SENP7: variants seen among roughly 807,000 people sequenced by gnomAD.
The protein encoded by SENP7 is SUMO specific peptidase 7, also known as sentrin-specific protease 7.
SENP7 carries 64 observed loss-of-function variants against 141.2 expected under a neutral mutation model. The ratio of observed to expected loss-of-function variants is 0.45; its 90% CI spans 0.37 to 0.56. The LOEUF (loss-of-function observed/expected upper bound fraction) is 0.56. Among genes scored for constraint, SENP7 ranks in the 20% least tolerant of loss-of-function variants. The probability of loss-of-function intolerance (pLI) is 0.00; values close to 1 mark genes in which losing one functional copy is unlikely to be tolerated. For missense variants in SENP7, 1,025 were observed against 1,212.2 expected, an observed-to-expected ratio of 0.85 and a Z score of 2.29; for synonymous variants, 382 against 426.4, an observed-to-expected ratio of 0.90 and a Z score of 1.28.
chr3:101,457,476 GCTGCCAGAGATGC>G, intron 4 of SENP7: 1 of 1,609,272 alleles, frequency 6.2e-7, no homozygotes, highest in East Asian at 2.2e-5. Context: ...GAAAGTGTTT[GCTGCCAGAGATGC>G]CTGAACTTTA....
intron 4 of SENP7, among the ~76,000 whole-genome samples, chr3:101,418,944 A>G (rs961446428): frequency 6.6e-6 from 1 of 152,216 alleles, no homozygotes; most frequent in Non-Finnish European, 1.5e-5. Flanking sequence ...TATAATCTGG[A>G]GTTTCAGCTA....
chr3:101,334,489 A>G (rs1294231313), intron 17 of SENP7, among the ~76,000 whole-genome samples: 1 of 152,174 alleles, frequency 6.6e-6, no homozygotes, highest in African/African-American at 2.4e-5. Flanking sequence ...TCATTGCCCC[A>G]TCTTGTTCAT....
At chr3:101,497,281 T>A (rs2065193401) in intron 2 of SENP7, among the ~76,000 whole-genome samples, 2 of 152,212 alleles carry the variant, frequency 1.3e-5, no homozygotes, top group South Asian at 4.1e-4. Flanking sequence ...GACATATGTA[T>A]GTTGTATGTG....
intron 3 of SENP7, among the ~76,000 whole-genome samples, chr3:101,461,811 A>C (rs772777286): frequency 5.9e-5 from 9 of 152,262 alleles, no homozygotes; most frequent in Non-Finnish European, 1.2e-4. Context: ...ATACAATGGA[A>C]TATTATTAGA....
At chr3:101,440,028 G>A (rs2062593964) in intron 4 of SENP7, among the ~76,000 whole-genome samples, 3 of 72,566 alleles carry the variant, frequency 4.1e-5, no homozygotes, top group Non-Finnish European at 6.5e-5. Context: ...CTACTGGGAA[G>A]TGAGGAGCCC....
intron 4 of SENP7, among the ~76,000 whole-genome samples, chr3:101,427,122 T>C (rs2061987481): frequency 6.6e-6 from 1 of 152,190 alleles, no homozygotes; most frequent in South Asian, 2.1e-4. Context: ...TCCACCAGCA[T>C]ACCAAAAAGC....
intron 4 of SENP7, among the ~76,000 whole-genome samples, chr3:101,450,522 C>A (rs1016724460): frequency 7.2e-5 from 11 of 152,156 alleles, no homozygotes; most frequent in African/African-American, 2.7e-4. Context: ...TCTCTCAGAC[C>A]ACAGTGCAAT....
intron 6 of SENP7, among the ~76,000 whole-genome samples, chr3:101,373,020 C>A (rs1387964756): frequency 6.6e-6 from 1 of 151,784 alleles, no homozygotes; most frequent in South Asian, 2.1e-4. Context: ...ACTATAAAGA[C>A]CAATTACACG....
intron 5 of SENP7, among the ~76,000 whole-genome samples, chr3:101,403,065 G>A (rs1462945489): frequency 7.2e-5 from 11 of 152,130 alleles, no homozygotes; most frequent in African/African-American, 2.7e-4. Flanking sequence ...AAACAACAAA[G>A]GTAACAAAGT....
chr3:101,422,092 C>G (rs547901912), intron 4 of SENP7, among the ~76,000 whole-genome samples: 1 of 152,274 alleles, frequency 6.6e-6, no homozygotes, highest in African/African-American at 2.4e-5. Context: ...TGCCTCCTGT[C>G]AGATCAGCAG....
At chr3:101,402,001 CAAA>C (rs35310049) in intron 5 of SENP7, among the ~76,000 whole-genome samples, 17 of 108,772 alleles carry the variant, frequency 1.6e-4, no homozygotes, top group Admixed American at 2.7e-4. Flanking sequence ...GACCCTGCCT[CAAA>C]AAAAAAAAAA....
chr3:101,376,369 T>C (rs1425778833), intron 6 of SENP7, among the ~76,000 whole-genome samples: 1 of 152,178 alleles, frequency 6.6e-6, no homozygotes, highest in Non-Finnish European at 1.5e-5. Context: ...GTTACTGATA[T>C]TCTATTACAA....
chr3:101,468,987 G>A (rs879699250), intron 3 of SENP7, among the ~76,000 whole-genome samples: 7 of 152,006 alleles, frequency 4.6e-5, no homozygotes, highest in Admixed American at 2.0e-4. Context: ...ATGCAAAGAC[G>A]CACTTAGGCT....
chr3:101,393,444 G>C (rs1488009010), intron 6 of SENP7, among the ~76,000 whole-genome samples: 1 of 152,060 alleles, frequency 6.6e-6, no homozygotes, highest in Non-Finnish European at 1.5e-5. Flanking sequence ...CATCTCACTA[G>C]GGATACGTAC....
chr3:101,473,154 T>G (rs2064076846), intron 3 of SENP7, among the ~76,000 whole-genome samples: 1 of 152,244 alleles, frequency 6.6e-6, no homozygotes, highest in Admixed American at 6.5e-5. Flanking sequence ...TTTAGATTGA[T>G]TCCATGTCTT....
At position 101,353,834 on chromosome 3, in the gene SENP7, A is replaced by G. The variant is rs575531718; in HGVS notation, c.1624-2183T>C. ...ATTTTTCTAATTCAGCTAAATTGTA[A>G]CTACTGTGAGAGTCAGAACAGTATC... On this transcript the variant is annotated intron_variant, in intron 11 of 23. Transcript: ENST00000394095. Among the ~76,000 whole-genome samples the G allele has an allele frequency of 7.2e-5, 11 of 152,142 alleles. No individual in the cohort carries two copies. In the South Asian group the frequency reaches 2.3e-3, roughly 32 times the overall value.
At chr3:101,330,437 C>A in intron 19 of SENP7, 51 bp from the exon 20 acceptor site, 1 of 1,259,500 alleles carries the variant, frequency 7.9e-7, no homozygotes, top group East Asian at 2.4e-5. Context: ...TGTTTTTATA[C>A]AGGTAACTTA....
intron 6 of SENP7, among the ~76,000 whole-genome samples, chr3:101,395,908 T>A (rs1281926892): frequency 6.6e-6 from 1 of 152,234 alleles, no homozygotes; most frequent in African/African-American, 2.4e-5. Flanking sequence ...GACTAACTTT[T>A]AATAATCACC....
intron 3 of SENP7, among the ~76,000 whole-genome samples, chr3:101,472,689 A>T (rs2064052629): frequency 6.6e-6 from 1 of 152,176 alleles, no homozygotes; most frequent in East Asian, 1.9e-4. Flanking sequence ...TCATAAAGGT[A>T]AACAATAAAA....
Sources: allele counts gnomAD v4.1 joint callset (sites outside exome capture counted in the v4.1 genomes callset), GRCh38; gene constraint gnomAD v4.1.1; transcripts MANE v1.5; gene names NCBI Gene and HGNC (gene_info 2026-07-23, HGNC 2026-07-21).